PTPRK: variants seen among roughly 807,000 people sequenced by gnomAD.
The protein encoded by PTPRK is receptor-type tyrosine-protein phosphatase kappa.
Under a neutral mutation model 178.0 loss-of-function variants are expected in PTPRK, and 75 were observed. The ratio of observed to expected loss-of-function variants is 0.42; its 90% confidence interval spans 0.35 to 0.51. The LOEUF (loss-of-function observed/expected upper bound fraction) is 0.51. PTPRK is among the 20% of genes least tolerant of loss of function. The probability of loss-of-function intolerance (pLI) is 0.02; values close to 1 mark genes in which losing one functional copy is unlikely to be tolerated. For synonymous variants in PTPRK, 637 were observed against 620.6 expected, an observed-to-expected ratio of 1.03 and a Z score of -0.39; for missense variants, 1,441 against 1,797.8, an observed-to-expected ratio of 0.80 and a Z score of 3.59.
intron 1 of PTPRK, among the ~76,000 whole-genome samples, chr6:128,401,625 C>T (rs1841030218): frequency 6.6e-6 from 1 of 152,146 alleles, no homozygotes; most frequent in Non-Finnish European, 1.5e-5. Flanking sequence ...CTAAGATCTT[C>T]CACACTCTCC....
At chr6:127,988,871 G>T (rs1231882451) in intron 21 of PTPRK, among the ~76,000 whole-genome samples, 1 of 151,570 alleles carries the variant, frequency 6.6e-6, no homozygotes, top group Non-Finnish European at 1.5e-5. Flanking sequence ...ATTTTCCAAT[G>T]TTATAATTTT....
chr6:128,466,851 A>C (rs894261775), intron 1 of PTPRK, among the ~76,000 whole-genome samples: 4 of 152,256 alleles, frequency 2.6e-5, no homozygotes, highest in Admixed American at 2.6e-4. Flanking sequence ...AATAATATAC[A>C]AATGAATAAA....
chr6:128,416,701 G>C (rs573340252), intron 1 of PTPRK, among the ~76,000 whole-genome samples: 1 of 150,898 alleles, frequency 6.6e-6, no homozygotes, highest in Admixed American at 6.6e-5. Flanking sequence ...ATAACAACTG[G>C]CTTTTATTCC....
chr6:128,397,200 A>G (rs942246469), intron 2 of PTPRK, among the ~76,000 whole-genome samples: 4 of 152,184 alleles, frequency 2.6e-5, no homozygotes, highest in Non-Finnish European at 5.9e-5. Flanking sequence ...TGGATCCAAC[A>G]TATACAATTT....
chr6:128,014,565 T>C (rs1309060927), intron 13 of PTPRK, among the ~76,000 whole-genome samples: 2 of 151,686 alleles, frequency 1.3e-5, no homozygotes, highest in Non-Finnish European at 3.0e-5. Context: ...GAAATAGTAG[T>C]AGACGCTGCT....
rs57723685 is a variant in PTPRK, at chr6:128,503,842, TTGTGTGTGTGTGTGTG to T, written c.100+16401_100+16416del. 7.5e-3 allele frequency among the ~76,000 whole-genome samples: 1,053 copies of T among 139,966 alleles called. 12 individuals carry two copies. The highest frequency in any genetic ancestry group is 0.027 in the African/African-American group (989 of 36,816). The allele number at this position is 139,966 out of a possible 152,430, so 91.8% of individuals were successfully genotyped here. ...CATGCACCACTATGCCTGGTTATTATTGTGTGTGTGTGTGTGTGTGTGTGTGTGTGTGTGTGTGTGT... is the reference window on the plus strand; with the variant it reads ...CATGCACCACTATGCCTGGTTATTATTGTGTGTGTGTGTGTGTGTGTGTGT... On this transcript the variant is annotated intron_variant, in intron 1 of 29. Transcript: ENST00000368226.
chr6:128,152,381 T>C, intron 7 of PTPRK, among the ~76,000 whole-genome samples: 1 of 151,874 alleles, frequency 6.6e-6, no homozygotes. Flanking sequence ...TCAGGTCACA[T>C]TGATTGTGGG....
chr6:127,985,897 T>G, intron 21 of PTPRK, 22 bp from the exon 22 acceptor site: 1 of 1,588,202 alleles, frequency 6.3e-7, no homozygotes, highest in Non-Finnish European at 8.6e-7. Context: ...TGGAAAGAAA[T>G]GTTTTCAAAA....
chr6:128,093,468 G>T (rs1333285072), intron 7 of PTPRK, among the ~76,000 whole-genome samples: 1 of 151,346 alleles, frequency 6.6e-6, no homozygotes, highest in Non-Finnish European at 1.5e-5. Flanking sequence ...AGTGGTGGAT[G>T]CCTGTAGTCC....
At chr6:128,218,252 A>T (rs752506403) in intron 6 of PTPRK, among the ~76,000 whole-genome samples, 126 of 152,230 alleles carry the variant, frequency 8.3e-4, no homozygotes, top group Non-Finnish European at 1.7e-3. Flanking sequence ...TATCTCCAAT[A>T]TCTACAACCT....
At chr6:128,453,369 C>A (rs1202792697) in intron 1 of PTPRK, among the ~76,000 whole-genome samples, 1 of 152,136 alleles carries the variant, frequency 6.6e-6, no homozygotes, top group East Asian at 1.9e-4. Context: ...GGACCCATAA[C>A]TTTAGACAAG....
chr6:128,332,358 C>T (rs1031165711), intron 2 of PTPRK, among the ~76,000 whole-genome samples: 1 of 152,208 alleles, frequency 6.6e-6, no homozygotes, highest in Non-Finnish European at 1.5e-5. Flanking sequence ...ATTTTCCCTA[C>T]TTCCTACACA....
chr6:128,494,432 TA>T (rs1854365746), intron 1 of PTPRK, among the ~76,000 whole-genome samples: 1 of 152,176 alleles, frequency 6.6e-6, no homozygotes, highest in Non-Finnish European at 1.5e-5. Context: ...GTGTTTCAGA[TA>T]AGATGTAGGA....
intron 1 of PTPRK, among the ~76,000 whole-genome samples, chr6:128,400,416 A>G (rs931528777): frequency 8.5e-5 from 13 of 152,224 alleles, no homozygotes; most frequent in African/African-American, 3.1e-4. Context: ...CAGAATACAT[A>G]GGAAACTAGG....
intron 7 of PTPRK, among the ~76,000 whole-genome samples, chr6:128,090,790 C>A (rs1786784428): frequency 6.6e-6 from 1 of 152,164 alleles, no homozygotes; most frequent in Non-Finnish European, 1.5e-5. Context: ...ATCAACGTAA[C>A]TACTCTATGA....
chr6:128,109,103 A>C (rs1434999123), intron 7 of PTPRK, among the ~76,000 whole-genome samples: 1 of 152,164 alleles, frequency 6.6e-6, no homozygotes, highest in African/African-American at 2.4e-5. Flanking sequence ...ACCATGTGTC[A>C]ATGATTATAT....
At chr6:128,405,377 A>G (rs1281392067) in intron 1 of PTPRK, among the ~76,000 whole-genome samples, 1 of 152,162 alleles carries the variant, frequency 6.6e-6, no homozygotes, top group Non-Finnish European at 1.5e-5. Flanking sequence ...AGGATAATAA[A>G]CCAGGTGTTT....
At chr6:128,380,643 G>A (rs1837771986) in intron 2 of PTPRK, among the ~76,000 whole-genome samples, 1 of 151,748 alleles carries the variant, frequency 6.6e-6, no homozygotes, top group Non-Finnish European at 1.5e-5. Context: ...CAGGTTTAAA[G>A]GAATCTGCAT....
intron 5 of PTPRK, among the ~76,000 whole-genome samples, chr6:128,239,751 T>G (rs1228855317): frequency 2.0e-5 from 3 of 152,248 alleles, no homozygotes; most frequent in Non-Finnish European, 4.4e-5. Context: ...ATATTTCAAA[T>G]GGATCTACAG....
Sources: gnomAD v4.1 joint callset for allele counts (sites outside exome capture counted in the v4.1 genomes callset) on GRCh38, gnomAD v4.1.1 for gene constraint, MANE v1.5 for transcripts, NCBI Gene and HGNC (gene_info 2026-07-23, HGNC 2026-07-21) for gene names.